Variants in FHIT observed in about 807,000 individuals in gnomAD.
FHIT encodes fragile histidine triad diadenosine triphosphatase.
A neutral mutation model predicts 17.9 loss-of-function variants in FHIT; 19 were observed. That is an observed-to-expected ratio of 1.06 (90% CI 0.74 to 1.56). The LOEUF is 1.56. Ranked by LOEUF, FHIT falls within the 40% of genes most tolerant of loss-of-function variation. The pLI is 0.00. For missense variants in FHIT, 248 were observed against 189.2 expected, an observed-to-expected ratio of 1.31 and a Z score of -1.82; for synonymous variants, 81 against 69.7, an observed-to-expected ratio of 1.16 and a Z score of -0.81.
At chr3:59,936,097 T>C (rs114947475) in intron 7 of FHIT, among the ~76,000 whole-genome samples, 5 of 152,192 alleles carry the variant, frequency 3.3e-5, no homozygotes, top group East Asian at 1.9e-4. Flanking sequence ...ACAGTCAGCA[T>C]TGCAAGGGTT....
intron 7 of FHIT, among the ~76,000 whole-genome samples, chr3:60,000,565 T>C (rs112977360): frequency 1.6e-3 from 238 of 152,010 alleles, no homozygotes; most frequent in African/African-American, 5.7e-3. Flanking sequence ...TTCAAACCCA[T>C]CCTAATTTTG....
chr3:60,284,788 T>A (rs948429747), intron 5 of FHIT, among the ~76,000 whole-genome samples: 1 of 152,048 alleles, frequency 6.6e-6, no homozygotes. Flanking sequence ...AACTAGGAAA[T>A]AAAGCTAACA....
At chr3:60,888,513 AAT>A (rs1559802847) in intron 3 of FHIT, among the ~76,000 whole-genome samples, 1 of 151,818 alleles carries the variant, frequency 6.6e-6, no homozygotes, top group Non-Finnish European at 1.5e-5. Context: ...GAAAAAAAAA[AAT>A]ATAGGTTTAT....
At chr3:60,776,283 C>T (rs1553724437) in intron 4 of FHIT, among the ~76,000 whole-genome samples, 1 of 152,176 alleles carries the variant, frequency 6.6e-6, no homozygotes, top group African/African-American at 2.4e-5. Flanking sequence ...GGGTTTTCTT[C>T]TGCCTGCCTG....
intron 4 of FHIT, among the ~76,000 whole-genome samples, chr3:60,548,247 GAATT>G (rs376213877): frequency 3.1e-4 from 47 of 152,144 alleles, no homozygotes; most frequent in African/African-American, 1.1e-3. Flanking sequence ...GGGAAATACT[GAATT>G]AATAACAACT....
At chr3:60,004,448 C>A (rs182062422) in intron 7 of FHIT, among the ~76,000 whole-genome samples, 1 of 152,236 alleles carries the variant, frequency 6.6e-6, no homozygotes, top group East Asian at 1.9e-4. Flanking sequence ...AATTGACATA[C>A]AGCAATAAAG....
At position 60,006,648 on chromosome 3, in the gene FHIT, C is replaced by T. The variant is rs148075859; in HGVS notation, c.279+4723G>A. On this transcript the variant is annotated intron_variant, in intron 7 of 9. Coordinates refer to ENST00000492590, the MANE Select transcript of FHIT (RefSeq NM_002012.4). ...CATTCAATATAATAGATAGGGTTTC[C>T]GCATTCAAAAAAAAAAAACAAGGAA... Among the ~76,000 whole-genome samples the T allele has an allele frequency of 1.1e-3, 170 of 147,996 alleles. 1 individual carries two copies. Among genetic ancestry groups the T allele is most frequent in the Middle Eastern group, 0.01 (3 of 290 alleles).
intron 4 of FHIT, among the ~76,000 whole-genome samples, chr3:60,783,444 A>G (rs186160270): frequency 6.6e-6 from 1 of 152,354 alleles, no homozygotes; most frequent in Non-Finnish European, 1.5e-5. Context: ...GCCAGAAGAA[A>G]TAGAAATTTG....
intron 5 of FHIT, among the ~76,000 whole-genome samples, chr3:60,305,926 G>C (rs1298547738): frequency 2.0e-5 from 3 of 152,074 alleles, no homozygotes; most frequent in African/African-American, 7.2e-5. Context: ...TAAATTTAAT[G>C]AGACTGCATC....
chr3:60,422,450 T>C (rs1280648532), intron 5 of FHIT, among the ~76,000 whole-genome samples: 1 of 152,164 alleles, frequency 6.6e-6, no homozygotes, highest in African/African-American at 2.4e-5. Flanking sequence ...TTTTTGAAGC[T>C]CTTCTCATAC....
At chr3:61,002,953 T>G (rs1054767839) in intron 3 of FHIT, among the ~76,000 whole-genome samples, 2 of 152,204 alleles carry the variant, frequency 1.3e-5, no homozygotes, top group African/African-American at 4.8e-5. Context: ...AACACTTTCT[T>G]GACCCTGGCC....
chr3:61,194,290 G>A lies in FHIT; in HGVS notation c.-164+6327C>T, dbSNP rs570970154. Among the ~76,000 whole-genome samples, 4 of 152,314 alleles carry A rather than the reference G, an allele frequency of 2.6e-5. No individual in the cohort carries two copies. In the South Asian group the frequency reaches 8.3e-4, roughly 32 times the overall value. Reference sequence around the variant, plus strand: ...TATACGACTTGCTTAAGGGGAGGAAGAGAAGTAGGAGACAGTATTATGGGA... The same window carrying A: ...TATACGACTTGCTTAAGGGGAGGAAAAGAAGTAGGAGACAGTATTATGGGA... On this transcript the variant is annotated intron_variant, in intron 2 of 9. Coordinates refer to ENST00000492590, the MANE Select transcript of FHIT (RefSeq NM_002012.4).
At chr3:59,870,856 C>CGTGTGTGT (rs112477825) in intron 8 of FHIT, among the ~76,000 whole-genome samples, 44 of 116,232 alleles carry the variant, frequency 3.8e-4, no homozygotes, top group African/African-American at 1.2e-3. Context: ...TAGTAAAGGG[C>CGTGTGTGT]GTGTGTGTGT....
chr3:60,611,634 G>A (rs567065888), intron 4 of FHIT, among the ~76,000 whole-genome samples: 1 of 152,162 alleles, frequency 6.6e-6, no homozygotes, highest in Non-Finnish European at 1.5e-5. Context: ...TGATTTTTAT[G>A]TAGTGTAGGA....
At chr3:60,772,849 A>C (rs1256739759) in intron 4 of FHIT, among the ~76,000 whole-genome samples, 5 of 152,068 alleles carry the variant, frequency 3.3e-5, no homozygotes, top group African/African-American at 1.2e-4. Flanking sequence ...GGACCCACCA[A>C]CTGATGGTTC....
rs116274505 is a variant in FHIT at position 60,063,266 on chromosome 3, C to T, written c.104-49114G>A. On this transcript the variant is annotated intron_variant, in intron 5 of 9. Coordinates refer to ENST00000492590, the MANE Select transcript of FHIT (RefSeq NM_002012.4). ...ACTGACATCTGGTCTACAAGATCAA[C>T]TTTCTGGCAATACGGTAAATTTTTT... Among the ~76,000 whole-genome samples the T allele has an allele frequency of 1.4e-3, 206 of 152,296 alleles. 1 individual carries two copies. Among genetic ancestry groups the T allele is most frequent in the African/African-American group, 4.8e-3 (201 of 41,568 alleles).
At chr3:60,799,723 T>G (rs1701120225) in intron 4 of FHIT, among the ~76,000 whole-genome samples, 1 of 152,194 alleles carries the variant, frequency 6.6e-6, no homozygotes, top group Non-Finnish European at 1.5e-5. Flanking sequence ...CATTTTCGCC[T>G]CCAAGAAGAC....
intron 8 of FHIT, among the ~76,000 whole-genome samples, chr3:59,811,802 A>G (rs1427084016): frequency 6.6e-6 from 1 of 152,206 alleles, no homozygotes; most frequent in African/African-American, 2.4e-5. Flanking sequence ...CCACTGTGAT[A>G]GCCACATTTG....
intron 5 of FHIT, among the ~76,000 whole-genome samples, chr3:60,129,639 T>C (rs548544189): frequency 5.9e-5 from 9 of 152,276 alleles, no homozygotes; most frequent in African/African-American, 2.2e-4. Flanking sequence ...CTACTATAAG[T>C]GAATTTACTT....
Sources: allele counts gnomAD v4.1 joint callset (sites outside exome capture counted in the v4.1 genomes callset), GRCh38; gene constraint gnomAD v4.1.1; transcripts MANE v1.5; gene names NCBI Gene and HGNC (gene_info 2026-07-23, HGNC 2026-07-21).